Variants in LNPK observed in about 807,000 individuals in gnomAD.
LNPK encodes the protein lunapark, ER junction formation factor.
In LNPK, 29 loss-of-function variants were observed where a neutral mutation model predicts 55.2. The ratio of observed to expected loss-of-function variants is 0.53; its 90% CI spans 0.39 to 0.72. LNPK has a LOEUF of 0.72. Ranked by LOEUF, LNPK falls within the 30% of genes least tolerant of loss-of-function variation. The probability of loss-of-function intolerance (pLI) is 0.00; values close to 1 mark genes in which losing one functional copy is unlikely to be tolerated. For synonymous variants in LNPK, 162 were observed against 168.2 expected (o/e 0.96, Z 0.29); for missense variants, 467 against 494.8 (o/e 0.94, Z 0.53).
At chr2:175,998,820 C>A (rs1428803677) in intron 1 of LNPK, among the ~76,000 whole-genome samples, 1 of 152,144 alleles carries the variant, frequency 6.6e-6, no homozygotes, top group African/African-American at 2.4e-5. Context: ...AGAACTGGTA[C>A]TAGAAGTCTG....
At chr2:175,954,765 CAATG>C (rs1685608741) in intron 8 of LNPK, among the ~76,000 whole-genome samples, 1 of 152,110 alleles carries the variant, frequency 6.6e-6, no homozygotes, top group African/African-American at 2.4e-5. Flanking sequence ...CAAAATACAG[CAATG>C]CCAAAATAAA....
intron 12 of LNPK, among the ~76,000 whole-genome samples, chr2:175,936,711 A>G (rs1363964535): frequency 6.6e-6 from 1 of 152,202 alleles, no homozygotes; most frequent in Non-Finnish European, 1.5e-5. Context: ...AAGAATTCCT[A>G]AAACAGAATT....
intron 8 of LNPK, among the ~76,000 whole-genome samples, chr2:175,955,724 A>G (rs1170358619): frequency 1.3e-5 from 2 of 152,234 alleles, no homozygotes; most frequent in Non-Finnish European, 2.9e-5. Flanking sequence ...AAAAAGATCT[A>G]TAATTTCTAC....
chr2:175,979,995 C>G (rs1687095222), intron 4 of LNPK, 127 bp from the exon 5 acceptor site: 2 of 831,332 alleles, frequency 2.4e-6, no homozygotes, highest in Non-Finnish European at 1.8e-6. Flanking sequence ...ATACAGAAAA[C>G]TAAAAAGCGT....
intron 5 of LNPK, among the ~76,000 whole-genome samples, chr2:175,972,519 G>T (rs1003340852): frequency 6.6e-6 from 1 of 152,072 alleles, no homozygotes; most frequent in African/African-American, 2.4e-5. Flanking sequence ...TATAATAATT[G>T]AGTTCAATTT....
chr2:175,936,999 A>T (rs1025151003), intron 12 of LNPK, among the ~76,000 whole-genome samples: 2 of 152,174 alleles, frequency 1.3e-5, no homozygotes, highest in African/African-American at 4.8e-5. Context: ...TCCTTTGAAC[A>T]GTTGTTTCAT....
intron 6 of LNPK, among the ~76,000 whole-genome samples, chr2:175,969,875 C>G (rs1574866550): frequency 6.6e-6 from 1 of 152,278 alleles, no homozygotes; most frequent in South Asian, 2.1e-4. Flanking sequence ...AGTTCTCTTA[C>G]TTTTCAGGTA....
rs147166216 is a variant in LNPK at position 175,980,080 on chromosome 2, G to T, written c.258-212C>A. Among the ~76,000 whole-genome samples the T allele has an allele frequency of 2.2e-4, 34 of 152,270 alleles. 1 individual carries two copies. In the East Asian group the frequency reaches 6.0e-3, roughly 27 times the overall value. ...TCAACCTAAAGTCCACAGACCTTCTGATGATCCCCTTAAATTACAAAATTA... is the reference window on the plus strand; with the variant it reads ...TCAACCTAAAGTCCACAGACCTTCTTATGATCCCCTTAAATTACAAAATTA... On this transcript the variant is annotated intron_variant, in intron 4 of 12. Coordinates refer to ENST00000272748, the MANE Select transcript of LNPK (RefSeq NM_030650.3).
At chr2:175,936,538 T>A (rs147587140) in intron 12 of LNPK, among the ~76,000 whole-genome samples, 1 of 152,168 alleles carries the variant, frequency 6.6e-6, no homozygotes, top group Non-Finnish European at 1.5e-5. Flanking sequence ...ATATCACACA[T>A]AGCAACAAAA....
chr2:175,992,440 A>G lies in LNPK; in HGVS notation c.70-22T>C, dbSNP rs760330565. ...TTTCCTGTTAAGAGAAAATTATTCC[A>G]TGTTAGTAAATTTCAAACTTCATAA... On this transcript the variant is annotated intron_variant, in intron 3 of 12. Coordinates refer to ENST00000272748, the MANE Select transcript of LNPK (RefSeq NM_030650.3). The G allele has an allele frequency of 6.6e-6, 9 of 1,364,160 alleles. No homozygotes were observed. The African/African-American group carries it at 1.2e-4, about 18-fold the overall frequency. 84.5% of individuals were successfully genotyped at this position (1,364,160 alleles called of 1,614,324 possible). A position where few individuals can be genotyped will look rare whatever the true frequency, so the allele number is the denominator to read the frequency against.
chr2:175,933,531 C>G (rs928333331), intron 12 of LNPK, among the ~76,000 whole-genome samples: 1 of 152,012 alleles, frequency 6.6e-6, no homozygotes. Flanking sequence ...GCACTTTTTA[C>G]GAGATTTTCC....
intron 9 of LNPK, among the ~76,000 whole-genome samples, chr2:175,943,437 C>T (rs1385329972): frequency 1.3e-5 from 2 of 151,716 alleles, no homozygotes; most frequent in African/African-American, 4.8e-5. Flanking sequence ...CAAAACCAGA[C>T]AAAGATATGA....
At chr2:175,990,079 T>TA (rs1009767044) in intron 4 of LNPK, among the ~76,000 whole-genome samples, 1 of 152,218 alleles carries the variant, frequency 6.6e-6, no homozygotes, top group Non-Finnish European at 1.5e-5. Context: ...CTTTTGCCTC[T>TA]AAGTCTTTAA....
At chr2:175,990,102 C>G (rs1687630255) in intron 4 of LNPK, among the ~76,000 whole-genome samples, 1 of 152,188 alleles carries the variant, frequency 6.6e-6, no homozygotes, top group African/African-American at 2.4e-5. Flanking sequence ...AAATCCGAGT[C>G]CAGCCCTCAA....
intron 8 of LNPK, among the ~76,000 whole-genome samples, chr2:175,957,330 C>T (rs1685742917): frequency 6.6e-6 from 1 of 151,976 alleles, no homozygotes; most frequent in South Asian, 2.1e-4. Flanking sequence ...TGCACTCCAG[C>T]CTGGGTGATA....
At chr2:175,969,080 G>T (rs1269984445) in intron 6 of LNPK, among the ~76,000 whole-genome samples, 4 of 151,416 alleles carry the variant, frequency 2.6e-5, no homozygotes, top group Non-Finnish European at 4.4e-5. Context: ...TCTGTTAAAG[G>T]CTTGAACAGT....
intron 8 of LNPK, among the ~76,000 whole-genome samples, chr2:175,950,274 G>T (rs143861733): frequency 1.0e-3 from 154 of 152,128 alleles, no homozygotes; most frequent in African/African-American, 3.3e-3. Context: ...CTTATTAAGG[G>T]TTATGAATAA....
intron 9 of LNPK, among the ~76,000 whole-genome samples, chr2:175,943,756 A>C (rs1483703381): frequency 6.6e-6 from 1 of 152,104 alleles, no homozygotes; most frequent in African/African-American, 2.4e-5. Flanking sequence ...CAGCTAACTA[A>C]GAATAGGTGG....
chr2:175,929,865 G>C lies in LNPK; in HGVS notation c.*102C>G. 6.6e-7 allele frequency: 1 copy of C among 1,521,438 alleles called. No individual in the cohort carries two copies. Among genetic ancestry groups the C allele is most frequent in the Non-Finnish European group, 8.8e-7 (1 of 1,135,082 alleles). 94.2% of individuals were successfully genotyped at this position (1,521,438 alleles called of 1,614,324 possible). A position where few individuals can be genotyped will look rare whatever the true frequency, so the allele number is the denominator to read the frequency against. On this transcript the variant is annotated 3_prime_UTR_variant, in exon 13 of 13. Coordinates refer to ENST00000272748, the MANE Select transcript of LNPK (RefSeq NM_030650.3). ...CAATCTGAATTCAAATGATACACAA[G>C]CATACCCTTAGAGGGGCAAAAAAAG...
Sources: gnomAD v4.1 joint callset for allele counts (sites outside exome capture counted in the v4.1 genomes callset) on GRCh38, gnomAD v4.1.1 for gene constraint, MANE v1.5 for transcripts, NCBI Gene and HGNC (gene_info 2026-07-23, HGNC 2026-07-21) for gene names.